Variants in GLRA3 observed in about 807,000 individuals in gnomAD.
GLRA3 encodes the protein glycine receptor subunit alpha-3.
GLRA3 carries 44 observed loss-of-function variants against 60.4 expected under a neutral mutation model. The observed-to-expected ratio is 0.73, with a 90% confidence interval of 0.57 to 0.94. GLRA3 has a LOEUF of 0.94. Among genes scored for constraint, GLRA3 ranks in the 40% least tolerant of loss-of-function variants. GLRA3 has a pLI of 0.00. For synonymous variants in GLRA3, 223 were observed against 192.9 expected (o/e 1.16, Z -1.29); for missense variants, 508 against 564.6 (o/e 0.90, Z 1.02).
At chr4:174,679,052 G>C (rs1734235424) in intron 6 of GLRA3, among the ~76,000 whole-genome samples, 1 of 151,970 alleles carries the variant, frequency 6.6e-6, no homozygotes, top group Non-Finnish European at 1.5e-5. Flanking sequence ...TCAGAAAAAT[G>C]CAAATCAAAA....
At chr4:174,768,751 C>T (rs1738254721) in intron 2 of GLRA3, among the ~76,000 whole-genome samples, 2 of 152,140 alleles carry the variant, frequency 1.3e-5, no homozygotes, top group Non-Finnish European at 2.9e-5. Context: ...GTAGGTAGCA[C>T]ATTTAGAACG....
At chr4:174,806,762 T>A (rs1740068542) in intron 1 of GLRA3, among the ~76,000 whole-genome samples, 1 of 152,014 alleles carries the variant, frequency 6.6e-6, no homozygotes, top group African/African-American at 2.4e-5. Flanking sequence ...AGTCCTGGAA[T>A]CAATCCCTTG....
chr4:174,662,846 T>C (rs968779988), intron 7 of GLRA3, among the ~76,000 whole-genome samples: 1 of 151,392 alleles, frequency 6.6e-6, no homozygotes, highest in African/African-American at 2.4e-5. Context: ...TCTTTTTTTT[T>C]TTTTCCTGTT....
At chr4:174,740,220 C>A (rs937703481) in intron 3 of GLRA3, among the ~76,000 whole-genome samples, 1 of 152,116 alleles carries the variant, frequency 6.6e-6, no homozygotes, top group Non-Finnish European at 1.5e-5. Context: ...AGAATGTAAA[C>A]AATGTCACTA....
chr4:174,807,220 C>G lies in GLRA3; in HGVS notation c.72-18277G>C, dbSNP rs1190241899. On this transcript the variant is annotated intron_variant, in intron 1 of 9. Coordinates refer to ENST00000274093, the MANE Select transcript of GLRA3 (RefSeq NM_006529.4). The stretch of plus-strand genomic sequence containing the variant: ...GAAAATAATAACATAAACTTGGTCT[C>G]TTATACCATGAAAATAACTTACAGA... Among the ~76,000 whole-genome samples, 4 of 151,952 alleles carry G rather than the reference C, an allele frequency of 2.6e-5. No individual in the cohort carries two copies. In the East Asian group the frequency reaches 7.7e-4, roughly 29 times the overall value.
chr4:174,676,404 G>T (rs1351126707), intron 7 of GLRA3, among the ~76,000 whole-genome samples: 2 of 150,414 alleles, frequency 1.3e-5, no homozygotes, highest in South Asian at 4.2e-4. Context: ...AGTATAATTG[G>T]TATATTTCTT....
chr4:174,655,179 T>C (rs1337973600), intron 9 of GLRA3, among the ~76,000 whole-genome samples: 2 of 152,156 alleles, frequency 1.3e-5, no homozygotes, highest in Non-Finnish European at 2.9e-5. Context: ...AGTACCAACA[T>C]TGAGACTCAT....
rs115616304 is a variant in GLRA3, at chr4:174,751,899, G to T, written c.267+15064C>A. Among the ~76,000 whole-genome samples the T allele has an allele frequency of 9.3e-3, 1,415 of 151,974 alleles. 21 individuals carry two copies. The highest frequency in any genetic ancestry group is 0.032 in the African/African-American group (1,339 of 41,438). On this transcript the variant is annotated intron_variant, in intron 3 of 9. Transcript: ENST00000274093. ...TTCATCTGAAGTACTAAAATTTCAC[G>T]GGGAGGGCAATTAGGGAAAAGATGT...
intron 1 of GLRA3, among the ~76,000 whole-genome samples, chr4:174,821,510 T>C (rs994348624): frequency 2.0e-5 from 3 of 152,148 alleles, no homozygotes; most frequent in African/African-American, 4.8e-5. Flanking sequence ...CAGAAGTTTT[T>C]TCTCAGGGGG....
chr4:174,753,203 C>T (rs1316858021), intron 3 of GLRA3, among the ~76,000 whole-genome samples: 2 of 152,140 alleles, frequency 1.3e-5, no homozygotes, highest in South Asian at 4.1e-4. Flanking sequence ...AGGTTCTTGT[C>T]AGTCTGGCAT....
chr4:174,667,877 G>A (rs1403433977), intron 7 of GLRA3, among the ~76,000 whole-genome samples: 1 of 152,054 alleles, frequency 6.6e-6, no homozygotes, highest in East Asian at 1.9e-4. Flanking sequence ...TGTGCTCTTT[G>A]ATCCTGATAT....
intron 1 of GLRA3, among the ~76,000 whole-genome samples, chr4:174,790,825 C>CAAAAAAAAAAAA (rs751090125): frequency 7.9e-4 from 51 of 64,962 alleles, no homozygotes; most frequent in Middle Eastern, 0.014. Context: ...CTAAAAAATA[C>CAAAAAAAAAAAA]AAAAAAAAAA....
At chr4:174,783,455 C>A (rs1268921223) in intron 2 of GLRA3, among the ~76,000 whole-genome samples, 5 of 134,028 alleles carry the variant, frequency 3.7e-5, no homozygotes, top group Admixed American at 7.5e-5. Flanking sequence ...CAACAAAAGC[C>A]AAAATTGACA....
At chr4:174,688,824 G>T (rs1734668573) in intron 5 of GLRA3, among the ~76,000 whole-genome samples, 1 of 152,086 alleles carries the variant, frequency 6.6e-6, no homozygotes, top group African/African-American at 2.4e-5. Context: ...AAACATCAGA[G>T]AGGGAATATG....
intron 5 of GLRA3, among the ~76,000 whole-genome samples, chr4:174,684,169 C>A (rs1561053253): frequency 6.6e-6 from 1 of 151,484 alleles, no homozygotes; most frequent in African/African-American, 2.4e-5. Flanking sequence ...GGAACATCTA[C>A]ACCAGTATAT....
At chr4:174,794,262 C>T (rs1383928304) in intron 1 of GLRA3, among the ~76,000 whole-genome samples, 2 of 152,060 alleles carry the variant, frequency 1.3e-5, no homozygotes, top group Admixed American at 6.6e-5. Context: ...ATTAAAAATT[C>T]TCCAGTAGTG....
intron 7 of GLRA3, among the ~76,000 whole-genome samples, chr4:174,673,183 T>C (rs541755061): frequency 6.6e-4 from 101 of 152,264 alleles, no homozygotes; most frequent in South Asian, 1.5e-3. Flanking sequence ...AAGGTGTATA[T>C]AATATTGCTG....
rs1353561321 is a variant in GLRA3, at chr4:174,767,004, T to C, written c.226A>G (p.Ile76Val). The change falls in exon 3 of 10, where the codon ATA (isoleucine) becomes GTA (valine). Residue 76 changes from isoleucine (I) to valine (V), a missense_variant. By Grantham distance (29) the Ile-to-Val change is conservative. Coordinates refer to ENST00000274093, the MANE Select transcript of GLRA3 (RefSeq NM_006529.4). ...ATAGAGCCAAAGCTGTTGATGAATA[T>C]GTTGCATGTGACATTAACTGGAGGG... is the stretch of plus-strand genomic sequence containing the variant. The part of the protein sequence containing the change: ...KGPPVNVTCN[I>V]FINSFGSIAE... 1 of 1,602,916 alleles carries C rather than the reference T, an allele frequency of 6.2e-7. No individual in the cohort carries two copies. Among genetic ancestry groups the C allele is most frequent in the South Asian group, 1.1e-5 (1 of 90,532 alleles).
intron 3 of GLRA3, 141 bp downstream of exon 3, chr4:174,766,822 G>T: frequency 1.9e-6 from 1 of 519,394 alleles, no homozygotes; most frequent in South Asian, 3.2e-5. Context: ...ACCTGCAGGT[G>T]ACTGTAATTT....
Sources: allele counts gnomAD v4.1 joint callset (sites outside exome capture counted in the v4.1 genomes callset), GRCh38; gene constraint gnomAD v4.1.1; transcripts MANE v1.5; gene names NCBI Gene and HGNC (gene_info 2026-07-23, HGNC 2026-07-21).